Variants in LNPEP observed in about 807,000 individuals in gnomAD.
LNPEP encodes the protein leucyl-cystinyl aminopeptidase.
LNPEP carries 64 observed loss-of-function variants against 120.6 expected under a neutral mutation model. The observed-to-expected ratio is 0.53, with a 90% confidence interval of 0.43 to 0.65. The LOEUF (loss-of-function observed/expected upper bound fraction) is 0.65. LNPEP is among the 30% of genes least tolerant of loss of function. The probability of loss-of-function intolerance (pLI) is 0.00; values close to 1 mark genes in which losing one functional copy is unlikely to be tolerated. For missense variants in LNPEP, 1,057 were observed against 1,200.0 expected (o/e 0.88, Z 1.76); for synonymous variants, 435 against 425.4 (o/e 1.02, Z -0.28).
At chr5:97,001,386 GAA>G (rs1246890110) in intron 8 of LNPEP, among the ~76,000 whole-genome samples, 1 of 152,196 alleles carries the variant, frequency 6.6e-6, no homozygotes, top group East Asian at 1.9e-4. Context: ...CTGAAATGGA[GAA>G]GACTGCTTTA....
chr5:96,975,986 T>A (rs1789983142), intron 1 of LNPEP, among the ~76,000 whole-genome samples: 1 of 152,174 alleles, frequency 6.6e-6, no homozygotes, highest in Non-Finnish European at 1.5e-5. Context: ...AGATAGCTTC[T>A]ATATGTGGAT....
rs1409746278 is a variant in LNPEP, at chr5:96,971,629, T to A, written c.20-7509T>A. ...TCTTCAAATTGGTAATTTCTAATGA[T>A]CTGTCAAGTTTATGGACTCTTTCTT... On this transcript the variant is annotated intron_variant, in intron 1 of 17. Coordinates refer to ENST00000231368, the MANE Select transcript of LNPEP (RefSeq NM_005575.3). Among the ~76,000 whole-genome samples, 15 of 152,132 alleles carry A rather than the reference T, an allele frequency of 9.9e-5. No homozygotes were observed. The East Asian group carries it at 2.9e-3, about 29-fold the overall frequency.
At chr5:97,009,930 ATGGT>A (rs1790884585) in intron 11 of LNPEP, among the ~76,000 whole-genome samples, 1 of 152,100 alleles carries the variant, frequency 6.6e-6, no homozygotes, top group Non-Finnish European at 1.5e-5. Context: ...TTGATGCTTG[ATGGT>A]TGGTTAAATC....
intron 4 of LNPEP, among the ~76,000 whole-genome samples, chr5:96,988,669 G>A (rs1474005793): frequency 6.6e-6 from 1 of 151,830 alleles, no homozygotes; most frequent in Non-Finnish European, 1.5e-5. Context: ...GGAGTACATG[G>A]TGCAATCATA....
At chr5:96,982,207 A>G (rs2112610666) in intron 2 of LNPEP, among the ~76,000 whole-genome samples, 1 of 152,282 alleles carries the variant, frequency 6.6e-6, no homozygotes, top group Middle Eastern at 3.4e-3. Context: ...TGCAGAAGCC[A>G]CATTCTTCAC....
intron 15 of LNPEP, among the ~76,000 whole-genome samples, chr5:97,025,018 C>T (rs971800451): frequency 6.6e-5 from 10 of 152,040 alleles, no homozygotes; most frequent in African/African-American, 2.4e-4. Context: ...TGCAAGCTGT[C>T]ATTTTAAAAA....
At chr5:96,960,715 A>G (rs757912752) in intron 1 of LNPEP, among the ~76,000 whole-genome samples, 1 of 152,172 alleles carries the variant, frequency 6.6e-6, no homozygotes, top group Non-Finnish European at 1.5e-5. Context: ...TAGTTTTATC[A>G]CCTAGGCAGA....
At chr5:96,963,205 T>G (rs1789647201) in intron 1 of LNPEP, among the ~76,000 whole-genome samples, 1 of 152,220 alleles carries the variant, frequency 6.6e-6, no homozygotes. Flanking sequence ...AGTCTAAGAA[T>G]AGTATACCAA....
chr5:97,015,851 G>T (rs1312288670), intron 13 of LNPEP, among the ~76,000 whole-genome samples: 1 of 152,052 alleles, frequency 6.6e-6, no homozygotes, highest in African/African-American at 2.4e-5. Flanking sequence ...TGGGGTTTTG[G>T]TATTCTCATT....
intron 1 of LNPEP, among the ~76,000 whole-genome samples, chr5:96,940,899 A>G (rs1351015696): frequency 6.6e-6 from 1 of 152,120 alleles, no homozygotes; most frequent in Non-Finnish European, 1.5e-5. Context: ...AGTCGGGGGG[A>G]TGTATGTATA....
intron 9 of LNPEP, 34 bp downstream of exon 9, chr5:97,003,580 T>G (rs1317790000): frequency 8.9e-6 from 13 of 1,466,794 alleles, no homozygotes; most frequent in African/African-American, 7.1e-5. Flanking sequence ...TAGCTCTTAC[T>G]GTAAAAAGAG....
At chr5:96,989,311 TATTATATATAATATATA>T (rs1237935122) in intron 4 of LNPEP, among the ~76,000 whole-genome samples, 50 of 65,280 alleles carry the variant, frequency 7.7e-4, no homozygotes, top group Middle Eastern at 0.015. Flanking sequence ...ATATATTGTA[TATTATATATAATATATA>T]ATTATATATA....
chr5:97,025,367 A>G (rs1791313817), intron 15 of LNPEP, among the ~76,000 whole-genome samples: 1 of 152,218 alleles, frequency 6.6e-6, no homozygotes, highest in African/African-American at 2.4e-5. Context: ...TGTCCCAGAG[A>G]TGTCCTCAGT....
At chr5:97,011,790 G>A (rs1016164657) in intron 11 of LNPEP, among the ~76,000 whole-genome samples, 1 of 152,130 alleles carries the variant, frequency 6.6e-6, no homozygotes, top group Non-Finnish European at 1.5e-5. Flanking sequence ...AATAAGTACG[G>A]AATTTTTTTA....
intron 14 of LNPEP, among the ~76,000 whole-genome samples, chr5:97,023,748 A>AAGT (rs139680563): frequency 0.038 from 5,717 of 152,234 alleles, 186 homozygotes; most frequent in Middle Eastern, 0.11. Context: ...ATACACCTGG[A>AAGT]AGTAGTATTG....
rs201343272 is a variant in LNPEP, at chr5:96,988,339, C to CTTTTT, written c.1131+1681_1131+1685dup. On this transcript the variant is annotated intron_variant, in intron 4 of 17. Transcript: ENST00000231368. ...GATCTTTCTTTTTTCTTTTTCTTTTCTTTTTTTTTTTTTTTTGAGACAGAG... is the reference window on the plus strand; with the variant it reads ...GATCTTTCTTTTTTCTTTTTCTTTTCTTTTTTTTTTTTTTTTTTTTTGAGACAGAG... Among the ~76,000 whole-genome samples the CTTTTT allele has an allele frequency of 6.1e-4, 76 of 125,188 alleles. 2 individuals carry two copies. The highest frequency in any genetic ancestry group is 2.8e-3 in the South Asian group (11 of 3,984). The allele number at this position is 125,188 out of a possible 152,430, so 82.1% of individuals were successfully genotyped here.
chr5:97,011,288 T>C (rs138734668), intron 11 of LNPEP: 34,408 of 687,244 alleles, frequency 0.05, 1,002 homozygotes, highest in Middle Eastern at 0.099. Context: ...TACAGTGGCA[T>C]GATCATAGCT....
chr5:97,030,721 A>G lies in LNPEP; in HGVS notation c.*2188A>G, dbSNP rs1217543090. 1 of 150,400 alleles carries G rather than the reference A, an allele frequency of 6.6e-6. No individual in the cohort carries two copies. The highest frequency in any genetic ancestry group is 6.6e-5 in the Admixed American group (1 of 15,040). The allele number at this position is 150,400 out of a possible 1,614,324, so 9.3% of individuals were successfully genotyped here. On this transcript the variant is annotated 3_prime_UTR_variant, in exon 18 of 18. Transcript: ENST00000231368. ...AACTTTATCAAAACTTGGCCTGAAA[A>G]AGAGATAACTCATGATCCATTGCTA... is the stretch of plus-strand genomic sequence containing the variant.
intron 1 of LNPEP, among the ~76,000 whole-genome samples, chr5:96,939,977 T>C (rs1789015017): frequency 6.6e-6 from 1 of 152,204 alleles, no homozygotes; most frequent in Non-Finnish European, 1.5e-5. Context: ...AAGACAACTC[T>C]TAAGAAATAG....
Sources: gnomAD v4.1 joint callset for allele counts (sites outside exome capture counted in the v4.1 genomes callset) on GRCh38, gnomAD v4.1.1 for gene constraint, MANE v1.5 for transcripts, NCBI Gene and HGNC (gene_info 2026-07-23, HGNC 2026-07-21) for gene names.